Variants in IFT140 observed in about 807,000 individuals in gnomAD.
The protein encoded by IFT140 is intraflagellar transport 140.
A neutral mutation model predicts 164.6 loss-of-function variants in IFT140; 133 were observed. That is an observed-to-expected ratio of 0.81 (90% CI 0.70 to 0.93). The LOEUF (loss-of-function observed/expected upper bound fraction) is 0.93. Among genes scored for constraint, IFT140 ranks in the 40% least tolerant of loss-of-function variants. The pLI, the probability that IFT140 is intolerant of heterozygous loss-of-function variation, is 0.00. For synonymous variants in IFT140, 860 were observed against 817.3 expected (o/e 1.05, Z -0.89); for missense variants, 2,045 against 1,972.3 (o/e 1.04, Z -0.70).
rs752664070 is a variant in IFT140 at position 1,520,737 on chromosome 16, G to C, written c.3525C>G (p.Thr1175=). 3.2e-5 allele frequency: 51 copies of C among 1,611,082 alleles called. No homozygotes were observed. The highest frequency in any genetic ancestry group is 4.2e-5 in the Non-Finnish European group (49 of 1,180,000). ...SITEEMAEKM[T]VAKDSSDLPE... is the part of the protein sequence containing the mutation. Reference sequence around the variant, plus strand: ...GCAGGTCCGAGGAGTCCTTGGCCACGGTCATCTTTTCCGCCATCTCCTCGG... The same window carrying C: ...GCAGGTCCGAGGAGTCCTTGGCCACCGTCATCTTTTCCGCCATCTCCTCGG... Residue 1175 remains threonine (T), a synonymous_variant, in exon 27 of 31, where the codon ACC becomes ACG. Transcript: ENST00000426508.
intron 7 of IFT140, 83 bp downstream of exon 7, chr16:1,589,522 A>T (rs2035065370): frequency 1.4e-6 from 2 of 1,425,148 alleles, no homozygotes; most frequent in African/African-American, 2.8e-5. Flanking sequence ...CTTGCTATCC[A>T]GAAGAGAAAG....
At chr16:1,580,429 C>T (rs1054406428) in intron 13 of IFT140, 6 of 221,846 alleles carry the variant, frequency 2.7e-5, no homozygotes, top group Admixed American at 1.7e-4. Flanking sequence ...AGAGATCTGA[C>T]GAAATCTGGC....
intron 12 of IFT140, 39 bp from the exon 13 acceptor site, chr16:1,580,889 T>C (rs758427164): frequency 7.3e-7 from 1 of 1,377,288 alleles, no homozygotes; most frequent in South Asian, 1.2e-5. Flanking sequence ...CGGCCGCTCA[T>C]CCGCCAGACT....
intron 18 of IFT140, among the ~76,000 whole-genome samples, chr16:1,560,918 G>A (rs550010410): frequency 6.6e-6 from 1 of 152,364 alleles, no homozygotes; most frequent in South Asian, 2.1e-4. Flanking sequence ...CTGACGGAGT[G>A]TGTAACAGGA....
chr16:1,610,835 G>A lies in IFT140; in HGVS notation c.-203C>T, dbSNP rs974585176. 1 of 153,526 alleles carries A rather than the reference G, an allele frequency of 6.5e-6. No individual in the cohort carries two copies. Among genetic ancestry groups the A allele is most frequent in the Non-Finnish European group, 1.5e-5 (1 of 68,214 alleles). 9.5% of individuals were successfully genotyped at this position (153,526 alleles called of 1,614,324 possible). A position where few individuals can be genotyped will look rare whatever the true frequency, so the allele number is the denominator to read the frequency against. Reference sequence around the variant, plus strand: ...GTGCAGCTCCGAGGCCCGAGCGTCGGGGGCCAGGTTATTCCGCTCTGCAAG... The same window carrying A: ...GTGCAGCTCCGAGGCCCGAGCGTCGAGGGCCAGGTTATTCCGCTCTGCAAG... On this transcript the variant is annotated 5_prime_UTR_variant, in exon 2 of 31. Coordinates refer to ENST00000426508, the MANE Select transcript of IFT140 (RefSeq NM_014714.4).
intron 3 of IFT140, among the ~76,000 whole-genome samples, chr16:1,606,530 C>T (rs539396751): frequency 3.3e-5 from 5 of 152,276 alleles, no homozygotes; most frequent in Admixed American, 2.0e-4. Context: ...GCGTGATCGC[C>T]GCTCACTGCA....
chr16:1,601,222 C>G (rs1044378350), intron 4 of IFT140, among the ~76,000 whole-genome samples: 4 of 151,238 alleles, frequency 2.6e-5, no homozygotes, highest in African/African-American at 9.7e-5. Context: ...TGAGAACGTG[C>G]CACTGCACTC....
In IFT140 at chr16:1,580,689, G is replaced by A. The variant is rs894564935; in HGVS notation, c.1524+70C>T. The A allele has an allele frequency of 2.6e-5, 27 of 1,022,048 alleles. No homozygotes were observed. The East Asian group carries it at 6.0e-4, about 23-fold the overall frequency. The allele number at this position is 1,022,048 out of a possible 1,614,324, so 63.3% of individuals were successfully genotyped here. On this transcript the variant is annotated intron_variant, in intron 13 of 30. Transcript: ENST00000426508. ...AACCTTAGGTGAAATCAATAAACAG[G>A]CTTTGTCTCAATTGAGAGGCAGGAT...
intron 4 of IFT140, among the ~76,000 whole-genome samples, chr16:1,598,457 C>CA (rs958657089): frequency 4.9e-4 from 69 of 141,302 alleles, no homozygotes; most frequent in African/African-American, 9.7e-4. Flanking sequence ...GACTCTGTCT[C>CA]AAAAAAAAAA....
chr16:1,574,790 T>C (rs2034194040), intron 13 of IFT140, among the ~76,000 whole-genome samples: 1 of 152,036 alleles, frequency 6.6e-6, no homozygotes, highest in Non-Finnish European at 1.5e-5. Context: ...AGGTTCTCCA[T>C]GGGGCAGATG....
At chr16:1,571,367 TA>T (rs1195697199) in intron 14 of IFT140, 39 bp downstream of exon 14, 3 of 1,600,770 alleles carry the variant, frequency 1.9e-6, no homozygotes, top group Admixed American at 1.7e-5. Context: ...CCTGACTGAC[TA>T]AAAAAATGTT....
intron 19 of IFT140, among the ~76,000 whole-genome samples, chr16:1,538,143 G>C (rs1282427493): frequency 6.6e-6 from 1 of 152,242 alleles, no homozygotes; most frequent in African/African-American, 2.4e-5. Flanking sequence ...GCTCAGACAG[G>C]AAGGCTCGGG....
intron 4 of IFT140, 58 bp downstream of exon 4, chr16:1,602,312 C>A (rs369081013): frequency 1.4e-6 from 2 of 1,452,366 alleles, no homozygotes; most frequent in South Asian, 2.3e-5. Context: ...TTCATACTCT[C>A]GAGCATGGTC....
intron 19 of IFT140, among the ~76,000 whole-genome samples, chr16:1,527,734 G>C (rs1435418389): frequency 6.6e-6 from 1 of 152,154 alleles, no homozygotes; most frequent in Non-Finnish European, 1.5e-5. Flanking sequence ...ACCACACCCA[G>C]CTAAGTTTTT....
At position 1,592,519 on chromosome 16, in the gene IFT140, C is replaced by A; in HGVS notation, c.439G>T (p.Glu147Ter). The change falls in exon 5 of 31, where the codon GAG (glutamate) becomes TAG (stop). Residue 147 changes from glutamate (E) to a stop codon, truncating the protein, a stop_gained. Coordinates refer to ENST00000426508, the MANE Select transcript of IFT140 (RefSeq NM_014714.4). LOFTEE classifies it high-confidence loss of function. Reference protein sequence around the residue: ...RVQGTPLLKHEYGKHLTHCIF... With the variant: ...RVQGTPLLKH ...CAGTGCGTGAGGTGTTTCCCATACT[C>A]GTGTTTCAGCAGAGGCGTCCCTTGC... 6.2e-7 allele frequency: 1 copy of A among 1,614,240 alleles called. No individual in the cohort carries two copies. The highest frequency in any genetic ancestry group is 2.2e-5 in the East Asian group (1 of 44,888).
At chr16:1,610,921 C>T (rs927438882) in intron 1 of IFT140, 68 bp from the exon 2 acceptor site, 1 of 152,402 alleles carries the variant, frequency 6.6e-6, no homozygotes, top group Non-Finnish European at 1.5e-5. Context: ...GTCTGGGTCC[C>T]CTTTGTGTGG....
chr16:1,516,572 A>T (rs2040352591), intron 30 of IFT140, among the ~76,000 whole-genome samples: 1 of 152,042 alleles, frequency 6.6e-6, no homozygotes. Flanking sequence ...GATCGAGACC[A>T]TCCTGGCTAA....
chr16:1,522,014 G>A (rs1378840452), intron 26 of IFT140, among the ~76,000 whole-genome samples: 1 of 151,692 alleles, frequency 6.6e-6, no homozygotes, highest in Non-Finnish European at 1.5e-5. Context: ...CCTGAGGTCA[G>A]GAGTTCGAGA....
chr16:1,610,922 C>T (rs947566882), intron 1 of IFT140, 69 bp from the exon 2 acceptor site: 9 of 152,404 alleles, frequency 5.9e-5, no homozygotes, highest in South Asian at 4.1e-4. Context: ...TCTGGGTCCC[C>T]TTTGTGTGGA....
Sources: gnomAD v4.1 joint callset for allele counts (sites outside exome capture counted in the v4.1 genomes callset) on GRCh38, gnomAD v4.1.1 for gene constraint, MANE v1.5 for transcripts, NCBI Gene and HGNC (gene_info 2026-07-23, HGNC 2026-07-21) for gene names.